Variants in STAM2 observed in about 807,000 individuals in gnomAD.
STAM2 encodes the protein signal transducing adaptor molecule 2.
In STAM2, 51 loss-of-function variants were observed where a neutral mutation model predicts 65.6. The ratio of observed to expected loss-of-function variants is 0.78; its 90% CI spans 0.62 to 0.98. STAM2 has a LOEUF of 0.98. Ranked by LOEUF, STAM2 falls within the 50% of genes least tolerant of loss-of-function variation. The pLI is 0.00. For missense variants in STAM2, 584 were observed against 617.8 expected (o/e 0.95, Z 0.58); for synonymous variants, 198 against 208.4 (o/e 0.95, Z 0.43).
chr2:152,157,769 T>C (rs1216005403), intron 1 of STAM2, among the ~76,000 whole-genome samples: 1 of 152,210 alleles, frequency 6.6e-6, no homozygotes, highest in Non-Finnish European at 1.5e-5. Flanking sequence ...AGGGCACACC[T>C]TAGGAGGAAA....
intron 11 of STAM2, among the ~76,000 whole-genome samples, chr2:152,131,269 A>C (rs1331500922): frequency 6.6e-6 from 1 of 152,142 alleles, no homozygotes; most frequent in Non-Finnish European, 1.5e-5. Flanking sequence ...CCTGGCCAAC[A>C]TGGTGAAACC....
At chr2:152,128,085 G>A (rs563083671) in intron 11 of STAM2, among the ~76,000 whole-genome samples, 1 of 152,266 alleles carries the variant, frequency 6.6e-6, no homozygotes, top group Admixed American at 6.5e-5. Context: ...TGGTAAGAAT[G>A]ACTGCATTAA....
chr2:152,171,253 C>T (rs1410942459), intron 1 of STAM2, among the ~76,000 whole-genome samples: 2 of 151,782 alleles, frequency 1.3e-5, no homozygotes, highest in Non-Finnish European at 2.9e-5. Flanking sequence ...TCAAGTATAT[C>T]AAAATATTAG....
At chr2:152,175,251 G>C (rs1375627669) in intron 1 of STAM2, among the ~76,000 whole-genome samples, 2 of 152,202 alleles carry the variant, frequency 1.3e-5, no homozygotes, top group Non-Finnish European at 2.9e-5. Context: ...GGCAAAGACG[G>C]AGGTAACCAG....
chr2:152,167,006 G>C (rs1432651926), intron 1 of STAM2, among the ~76,000 whole-genome samples: 1 of 152,186 alleles, frequency 6.6e-6, no homozygotes, highest in African/African-American at 2.4e-5. Context: ...CTGAATAACA[G>C]ATTTTTCATC....
Position 152,141,292 on chromosome 2 carries a change from T to G in STAM2, c.704+2535A>C, listed in dbSNP as rs980261861. On this transcript the variant is annotated intron_variant, in intron 7 of 13. Coordinates refer to ENST00000263904, the MANE Select transcript of STAM2 (RefSeq NM_005843.6). ...GGCTCACGCCTGTAATCCCAGCACT[T>G]TGGGAGGCCGAGATGGGCAGATTAC... Among the ~76,000 whole-genome samples, 13 of 149,784 alleles carry G rather than the reference T, an allele frequency of 8.7e-5. No homozygotes were observed. In the East Asian group the frequency reaches 1.0e-3, roughly 12 times the overall value.
intron 11 of STAM2, 46 bp from the exon 12 acceptor site, chr2:152,126,425 T>G: frequency 1.7e-6 from 2 of 1,174,798 alleles, no homozygotes; most frequent in East Asian, 3.0e-5. Flanking sequence ...GTTTTTAGCA[T>G]GTATTTAGTA....
At chr2:152,165,583 G>T (rs961300683) in intron 1 of STAM2, among the ~76,000 whole-genome samples, 5 of 152,154 alleles carry the variant, frequency 3.3e-5, no homozygotes, top group African/African-American at 1.2e-4. Context: ...GTACTGTCAG[G>T]CTTCAGGGGG....
intron 1 of STAM2, among the ~76,000 whole-genome samples, chr2:152,159,986 C>T (rs2105560513): frequency 6.6e-6 from 1 of 152,372 alleles, no homozygotes; most frequent in Middle Eastern, 3.4e-3. Context: ...CAGCCTCGGC[C>T]TCCCGAGGTG....
chr2:152,127,879 G>A (rs536004846), intron 11 of STAM2, among the ~76,000 whole-genome samples: 114 of 152,146 alleles, frequency 7.5e-4, no homozygotes, highest in Middle Eastern at 3.4e-3. Context: ...TTTTCATCTG[G>A]CCTGAAACAT....
At chr2:152,151,446 C>G (rs894963099) in intron 1 of STAM2, among the ~76,000 whole-genome samples, 8 of 152,138 alleles carry the variant, frequency 5.3e-5, no homozygotes, top group African/African-American at 1.9e-4. Flanking sequence ...TCCCAAAGTG[C>G]TAGGACTGAT....
intron 4 of STAM2, 49 bp downstream of exon 4, chr2:152,147,975 A>C (rs1165995373): frequency 4.4e-6 from 6 of 1,370,490 alleles, no homozygotes; most frequent in Middle Eastern, 2.4e-4. Context: ...AATGACACAC[A>C]ATCTACATTT....
chr2:152,121,269 G>A (rs1175132977), intron 13 of STAM2, among the ~76,000 whole-genome samples: 1 of 152,122 alleles, frequency 6.6e-6, no homozygotes, highest in South Asian at 2.1e-4. Context: ...CCACCATGCC[G>A]AGCTTGTTAA....
intron 7 of STAM2, among the ~76,000 whole-genome samples, chr2:152,142,934 G>A (rs1353555161): frequency 6.6e-6 from 1 of 152,150 alleles, no homozygotes; most frequent in Non-Finnish European, 1.5e-5. Flanking sequence ...CGCAGGATAA[G>A]CCTTCTTTGC....
chr2:152,134,864 C>T (rs1560213145), intron 8 of STAM2, among the ~76,000 whole-genome samples: 1 of 152,136 alleles, frequency 6.6e-6, no homozygotes, highest in Non-Finnish European at 1.5e-5. Flanking sequence ...ACACTCAGAT[C>T]CCCCCACCTC....
intron 7 of STAM2, among the ~76,000 whole-genome samples, chr2:152,139,452 G>A (rs1388880350): frequency 6.6e-6 from 1 of 152,182 alleles, no homozygotes; most frequent in Non-Finnish European, 1.5e-5. Context: ...AGCTACCCAG[G>A]AGGCTGAGGG....
At chr2:152,175,537 T>C in intron 1 of STAM2, 66 bp downstream of exon 1, 1 of 1,604,914 alleles carries the variant, frequency 6.2e-7, no homozygotes, top group Non-Finnish European at 8.5e-7. Context: ...CCGCCCACTT[T>C]CTAGCCGGAC....
Position 152,175,710 on chromosome 2 carries a change from A to AC in STAM2, c.-69dup. 6.5e-7 allele frequency: 1 copy of AC among 1,546,262 alleles called. No homozygotes were observed. Among genetic ancestry groups the AC allele is most frequent in the Non-Finnish European group, 8.8e-7 (1 of 1,140,366 alleles). ...CTCAGCAACTGCTACCCGCCGGGTG[A>AC]CCCGCGGCCGCGGCTCCCTAGACCG... On this transcript the variant is annotated 5_prime_UTR_variant, in exon 1 of 14. Transcript: ENST00000263904.
At chr2:152,145,925 G>T (rs1018073396) in intron 5 of STAM2, among the ~76,000 whole-genome samples, 8 of 152,118 alleles carry the variant, frequency 5.3e-5, no homozygotes, top group African/African-American at 1.9e-4. Flanking sequence ...TTACTTATAA[G>T]ACTCTTATCT....
Sources: gnomAD v4.1 joint callset for allele counts (sites outside exome capture counted in the v4.1 genomes callset) on GRCh38, gnomAD v4.1.1 for gene constraint, MANE v1.5 for transcripts, NCBI Gene and HGNC (gene_info 2026-07-23, HGNC 2026-07-21) for gene names.